SLIT3: variants seen among roughly 807,000 people sequenced by gnomAD.
SLIT3 encodes the protein slit homolog 3 protein.
Under a neutral mutation model 184.0 loss-of-function variants are expected in SLIT3, and 68 were observed. The ratio of observed to expected loss-of-function variants is 0.37; its 90% CI spans 0.30 to 0.45. The LOEUF (loss-of-function observed/expected upper bound fraction) is 0.45. SLIT3 is among the 20% of genes least tolerant of loss of function. SLIT3 has a pLI of 1.00. For missense variants in SLIT3, 1,707 were observed against 2,026.0 expected, an observed-to-expected ratio of 0.84 and a Z score of 3.02; for synonymous variants, 831 against 828.6, an observed-to-expected ratio of 1.00 and a Z score of -0.05.
intron 4 of SLIT3, among the ~76,000 whole-genome samples, chr5:168,981,351 C>A (rs1334814398): frequency 1.3e-5 from 2 of 152,120 alleles, no homozygotes; most frequent in African/African-American, 4.8e-5. Context: ...GGGATTGGAT[C>A]TGAATAGACA....
At chr5:169,299,382 C>T (rs1767608274) in intron 1 of SLIT3, among the ~76,000 whole-genome samples, 1 of 152,170 alleles carries the variant, frequency 6.6e-6, no homozygotes, top group South Asian at 2.1e-4. Context: ...CAATGCTTGT[C>T]ATCACTACTC....
intron 3 of SLIT3, among the ~76,000 whole-genome samples, chr5:169,229,692 G>GTGATGA (rs139750018): frequency 6.6e-6 from 1 of 151,062 alleles, no homozygotes; most frequent in Admixed American, 6.6e-5. Context: ...CTCTTGGGCC[G>GTGATGA]TGATGATGAT....
At chr5:168,792,200 G>T (rs143754639) in intron 10 of SLIT3, 27 of 152,312 alleles carry the variant, frequency 1.8e-4, no homozygotes, top group African/African-American at 6.3e-4. Context: ...ATGGGAGATG[G>T]CTCCAGCTGC....
chr5:169,244,536 T>C (rs555540238), intron 3 of SLIT3, among the ~76,000 whole-genome samples, 169 bp downstream of exon 3: 1 of 152,246 alleles, frequency 6.6e-6, no homozygotes, highest in South Asian at 2.1e-4. Context: ...TCAGTGTTTC[T>C]TTAACATGCA....
At chr5:169,203,682 C>T (rs78005160) in intron 3 of SLIT3, among the ~76,000 whole-genome samples, 3,694 of 152,086 alleles carry the variant, frequency 0.024, 82 homozygotes, top group South Asian at 0.11. Context: ...GGATAACAGC[C>T]GCAGAGGTGT....
chr5:168,765,770 G>C (rs1273691165), intron 14 of SLIT3, among the ~76,000 whole-genome samples: 1 of 151,200 alleles, frequency 6.6e-6, no homozygotes, highest in Non-Finnish European at 1.5e-5. Context: ...ATTTGAAGAA[G>C]GGCCATAAAA....
intron 4 of SLIT3, among the ~76,000 whole-genome samples, chr5:169,137,442 A>G (rs1166532522): frequency 6.6e-6 from 1 of 151,586 alleles, no homozygotes; most frequent in Non-Finnish European, 1.5e-5. Context: ...CTGGTAACTT[A>G]TTCCCCTCGT....
At chr5:168,844,152 C>G (rs1233661101) in intron 6 of SLIT3, among the ~76,000 whole-genome samples, 2 of 152,246 alleles carry the variant, frequency 1.3e-5, no homozygotes, top group South Asian at 4.2e-4. Flanking sequence ...TCCAGCTGAC[C>G]TCCTGGCACT....
chr5:168,975,082 C>T (rs1294647855), intron 4 of SLIT3, among the ~76,000 whole-genome samples: 2 of 152,136 alleles, frequency 1.3e-5, no homozygotes, highest in Non-Finnish European at 2.9e-5. Flanking sequence ...CACAGACCCC[C>T]CTACTGAGCA....
intron 35 of SLIT3, chr5:168,667,524 C>G (rs1388949443): frequency 6.6e-6 from 1 of 152,242 alleles, no homozygotes; most frequent in Non-Finnish European, 1.5e-5. Flanking sequence ...GAAAGGGCAC[C>G]CCTGTATCTG....
intron 5 of SLIT3, among the ~76,000 whole-genome samples, chr5:168,875,104 C>T (rs139658858): frequency 7.6e-5 from 9 of 119,108 alleles, no homozygotes; most frequent in South Asian, 5.3e-4. Flanking sequence ...AGGGAGGAAG[C>T]GGGGGAGAAA....
At position 169,229,061 on chromosome 5, in the gene SLIT3, G is replaced by A. The variant is rs992804526; in HGVS notation, c.341+15644C>T. On this transcript the variant is annotated intron_variant, in intron 3 of 35. Transcript: ENST00000519560. The stretch of plus-strand genomic sequence containing the variant: ...CAAACCTCCACATCTTGGAGAAGCC[G>A]TGCGCACACACACAGATTGAGAGAG... 3.3e-5 allele frequency among the ~76,000 whole-genome samples: 5 copies of A among 152,056 alleles called. No homozygotes were observed. In the East Asian group the frequency reaches 5.8e-4, roughly 18 times the overall value.
chr5:169,007,278 A>G (rs1755970889), intron 4 of SLIT3, among the ~76,000 whole-genome samples: 1 of 152,192 alleles, frequency 6.6e-6, no homozygotes, highest in Non-Finnish European at 1.5e-5. Context: ...AGTCTCAGGT[A>G]TGTCTTTAAA....
intron 4 of SLIT3, among the ~76,000 whole-genome samples, chr5:168,903,209 C>T (rs184451502): frequency 5.3e-5 from 8 of 152,266 alleles, no homozygotes; most frequent in Admixed American, 3.3e-4. Context: ...CACCATATGC[C>T]TCTTCCTCGT....
chr5:169,114,260 G>A (rs1158424670), intron 4 of SLIT3, among the ~76,000 whole-genome samples: 2 of 152,196 alleles, frequency 1.3e-5, no homozygotes, highest in Non-Finnish European at 2.9e-5. Flanking sequence ...GATGCCACGT[G>A]TTAAAGATAG....
chr5:169,097,059 A>G (rs1436669516), intron 4 of SLIT3, among the ~76,000 whole-genome samples: 1 of 152,184 alleles, frequency 6.6e-6, no homozygotes, highest in Non-Finnish European at 1.5e-5. Context: ...ATGCATAGAT[A>G]GTTTGTCTGC....
intron 4 of SLIT3, among the ~76,000 whole-genome samples, chr5:169,030,698 T>C (rs989626949): frequency 6.6e-6 from 1 of 152,260 alleles, no homozygotes; most frequent in Non-Finnish European, 1.5e-5. Flanking sequence ...TGTAAAGTAC[T>C]TCTACCTATT....
chr5:169,034,937 G>GTGTGTT (rs1459498665), intron 4 of SLIT3, among the ~76,000 whole-genome samples: 2 of 150,592 alleles, frequency 1.3e-5, no homozygotes, highest in African/African-American at 4.9e-5. Context: ...GTGTGTGTGT[G>GTGTGTT]TGTGTGTGTG....
intron 3 of SLIT3, among the ~76,000 whole-genome samples, chr5:169,201,029 C>T (rs1053209624): frequency 2.2e-4 from 34 of 152,196 alleles, no homozygotes; most frequent in African/African-American, 8.2e-4. Flanking sequence ...GAGGGACAAG[C>T]AGCTTCATTG....
Sources: gnomAD v4.1 joint callset for allele counts (sites outside exome capture counted in the v4.1 genomes callset) on GRCh38, gnomAD v4.1.1 for gene constraint, MANE v1.5 for transcripts, NCBI Gene and HGNC (gene_info 2026-07-23, HGNC 2026-07-21) for gene names.